The following IMMP2L variants were observed in gnomAD, a reference collection of about 807,000 sequenced individuals.
IMMP2L encodes the protein mitochondrial inner membrane protease subunit 2.
A neutral mutation model predicts 19.3 loss-of-function variants in IMMP2L; 18 were observed. The ratio of observed to expected loss-of-function variants is 0.93; its 90% confidence interval spans 0.64 to 1.38. The LOEUF is 1.38. Among genes scored for constraint, IMMP2L ranks in the 40% most tolerant of loss-of-function variants. The pLI, the probability that IMMP2L is intolerant of heterozygous loss-of-function variation, is 0.00. For missense variants in IMMP2L, 233 were observed against 218.2 expected, an observed-to-expected ratio of 1.07 and a Z score of -0.43; for synonymous variants, 76 against 73.0, an observed-to-expected ratio of 1.04 and a Z score of -0.21.
At chr7:111,264,106 C>A (rs1817595476) in intron 3 of IMMP2L, among the ~76,000 whole-genome samples, 1 of 151,958 alleles carries the variant, frequency 6.6e-6, no homozygotes, top group Non-Finnish European at 1.5e-5. Context: ...GGAAAAACAC[C>A]CAATTACATT....
intron 5 of IMMP2L, among the ~76,000 whole-genome samples, chr7:110,782,459 C>A (rs776320582): frequency 2.4e-4 from 36 of 151,884 alleles, no homozygotes; most frequent in Middle Eastern, 3.4e-3. Flanking sequence ...ATAAATGCAG[C>A]CTTATTGGTA....
chr7:110,754,400 TTCTA>T (rs1257767681), intron 5 of IMMP2L, among the ~76,000 whole-genome samples: 1 of 152,054 alleles, frequency 6.6e-6, no homozygotes, highest in Non-Finnish European at 1.5e-5. Context: ...AGTACAGTTT[TTCTA>T]TCTATGAATT....
intron 5 of IMMP2L, among the ~76,000 whole-genome samples, chr7:110,676,609 G>T (rs991664604): frequency 3.9e-5 from 6 of 152,116 alleles, no homozygotes; most frequent in Non-Finnish European, 5.9e-5. Context: ...TTTATTATCT[G>T]GGAATCAAGG....
At chr7:110,837,754 G>A (rs995661630) in intron 5 of IMMP2L, among the ~76,000 whole-genome samples, 2 of 152,152 alleles carry the variant, frequency 1.3e-5, no homozygotes, top group Admixed American at 1.3e-4. Flanking sequence ...TGGGAGGAAG[G>A]CAGGAAGGGT....
chr7:111,252,743 T>C (rs1309039929), intron 3 of IMMP2L, among the ~76,000 whole-genome samples: 1 of 152,196 alleles, frequency 6.6e-6, no homozygotes, highest in African/African-American at 2.4e-5. Context: ...CAAATAATTA[T>C]GCAAACATAT....
At chr7:111,293,066 G>A (rs1436592449) in intron 3 of IMMP2L, among the ~76,000 whole-genome samples, 1 of 151,946 alleles carries the variant, frequency 6.6e-6, no homozygotes. Context: ...AAGGACATGA[G>A]ATATAAGCAA....
intron 3 of IMMP2L, among the ~76,000 whole-genome samples, chr7:111,328,919 G>T (rs868770978): frequency 6.6e-6 from 1 of 151,226 alleles, no homozygotes; most frequent in Non-Finnish European, 1.5e-5. Flanking sequence ...AAAAACATTG[G>T]GACCCTAACC....
chr7:111,460,862 C>T (rs1347635057), intron 3 of IMMP2L, among the ~76,000 whole-genome samples: 1 of 152,028 alleles, frequency 6.6e-6, no homozygotes, highest in East Asian at 1.9e-4. Context: ...ACCCACAAAA[C>T]TGTAAGACTA....
chr7:111,380,871 T>C (rs911033538), intron 3 of IMMP2L, among the ~76,000 whole-genome samples: 3 of 151,228 alleles, frequency 2.0e-5, no homozygotes, highest in African/African-American at 7.4e-5. Context: ...AACCTCAGTA[T>C]TCTCCACAAA....
intron 3 of IMMP2L, among the ~76,000 whole-genome samples, chr7:111,450,403 C>T (rs1446668909): frequency 3.3e-5 from 5 of 151,920 alleles, no homozygotes; most frequent in African/African-American, 4.8e-5. Flanking sequence ...CAAATAACGC[C>T]GCATACCTAC....
chr7:111,037,368 A>C (rs1276863062), intron 3 of IMMP2L, among the ~76,000 whole-genome samples: 3 of 152,198 alleles, frequency 2.0e-5, no homozygotes, highest in African/African-American at 7.2e-5. Context: ...GAGGAGAAAC[A>C]GTGGAAAAGT....
intron 5 of IMMP2L, among the ~76,000 whole-genome samples, chr7:110,838,016 G>A (rs187933100): frequency 2.6e-3 from 392 of 152,184 alleles, no homozygotes; most frequent in Non-Finnish European, 4.6e-3. Context: ...AATGAATTGC[G>A]GGAATAACTA....
chr7:111,043,003 A>G (rs922791344), intron 3 of IMMP2L, among the ~76,000 whole-genome samples: 11 of 152,152 alleles, frequency 7.2e-5, no homozygotes, highest in African/African-American at 2.7e-4. Flanking sequence ...GGATGGGGCA[A>G]AAGAAGTCAA....
intron 3 of IMMP2L, among the ~76,000 whole-genome samples, chr7:111,209,396 CAAAAAAAA>C (rs368679362): frequency 1.1e-5 from 1 of 88,590 alleles, no homozygotes; most frequent in Non-Finnish European, 2.1e-5. Flanking sequence ...GACTCCTTCT[CAAAAAAAA>C]AAAAAAAAAA....
intron 5 of IMMP2L, among the ~76,000 whole-genome samples, chr7:110,795,112 G>A (rs1290947018): frequency 6.6e-6 from 1 of 152,068 alleles, no homozygotes; most frequent in Admixed American, 6.6e-5. Flanking sequence ...TAAGAAAAGG[G>A]ACAAAAGTGG....
intron 1 of IMMP2L, among the ~76,000 whole-genome samples, chr7:111,545,681 T>G (rs556237282): frequency 6.6e-6 from 1 of 152,210 alleles, no homozygotes; most frequent in African/African-American, 2.4e-5. Context: ...CCTTATCAGA[T>G]ACATGAACTG....
intron 3 of IMMP2L, among the ~76,000 whole-genome samples, chr7:111,310,551 A>T (rs1823404246): frequency 6.6e-6 from 1 of 152,108 alleles, no homozygotes; most frequent in African/African-American, 2.4e-5. Context: ...TTCTTCTTCT[A>T]CCTTTTATTA....
chr7:110,715,982 T>C (rs998847759), intron 5 of IMMP2L, among the ~76,000 whole-genome samples: 10 of 152,180 alleles, frequency 6.6e-5, no homozygotes, highest in Non-Finnish European at 1.3e-4. Flanking sequence ...TGAAGTCTTC[T>C]TGCTGAATTG....
chr7:111,501,628 G>A (rs1341351627), intron 2 of IMMP2L, among the ~76,000 whole-genome samples: 3 of 152,182 alleles, frequency 2.0e-5, no homozygotes, highest in Non-Finnish European at 2.9e-5. Flanking sequence ...GGATCTCTCA[G>A]CAGAAACTCT....
Sources: gnomAD v4.1 joint callset for allele counts (sites outside exome capture counted in the v4.1 genomes callset) on GRCh38, gnomAD v4.1.1 for gene constraint, MANE v1.5 for transcripts, NCBI Gene and HGNC (gene_info 2026-07-23, HGNC 2026-07-21) for gene names.